Variants in HORMAD2 observed in about 807,000 individuals in gnomAD.
HORMAD2 encodes HORMA domain-containing protein 2.
A neutral mutation model predicts 38.8 loss-of-function variants in HORMAD2; 45 were observed. That is an observed-to-expected ratio of 1.16 (90% CI 0.91 to 1.49). The LOEUF (loss-of-function observed/expected upper bound fraction) is 1.49. HORMAD2 is among the 40% of genes most tolerant of loss of function. HORMAD2 has a pLI of 0.00. For synonymous variants in HORMAD2, 126 were observed against 122.8 expected, an observed-to-expected ratio of 1.03 and a Z score of -0.17; for missense variants, 338 against 367.0, an observed-to-expected ratio of 0.92 and a Z score of 0.65.
At chr22:30,086,827 T>A (rs1356778704) in intron 1 of HORMAD2, among the ~76,000 whole-genome samples, 1 of 152,098 alleles carries the variant, frequency 6.6e-6, no homozygotes, top group Non-Finnish European at 1.5e-5. Context: ...AGGGTTTCAC[T>A]CTTGTTGCCC....
rs777114888 is a variant in HORMAD2 at position 30,176,163 on chromosome 22, A to G, written c.920A>G (p.Lys307Arg). The change falls in exon 11 of 11, where the codon AAA becomes AGA. Residue 307 changes from lysine to arginine, a missense_variant. Coordinates refer to ENST00000336726, the MANE Select transcript of HORMAD2 (RefSeq NM_152510.4). Reference protein sequence around the residue: ...EPVKVFIPNRK With the variant: ...EPVKVFIPNRR ...GTGAAGGTCTTCATCCCTAACAGAA[A>G]ATGAAAGCTAAATATTCCTTCTACA... The G allele has an allele frequency of 3.2e-6, 5 of 1,570,530 alleles. No homozygotes were observed. In the African/African-American group the frequency reaches 5.4e-5, roughly 17 times the overall value.
chr22:30,163,409 A>G (rs1238702198), intron 10 of HORMAD2, among the ~76,000 whole-genome samples: 3 of 152,110 alleles, frequency 2.0e-5, no homozygotes, highest in Non-Finnish European at 4.4e-5. Context: ...TTTATAAATC[A>G]TGTGCTGATT....
chr22:30,146,029 G>A (rs1193234556), intron 10 of HORMAD2, among the ~76,000 whole-genome samples: 1 of 152,172 alleles, frequency 6.6e-6, no homozygotes, highest in Admixed American at 6.5e-5. Context: ...AGGATAATGT[G>A]TCATGACTAA....
the HORMAD2 span, among the ~76,000 whole-genome samples, chr22:30,190,772 T>C: frequency 0.013 from 2,008 of 152,324 alleles, 19 homozygotes; most frequent in Non-Finnish European, 0.022. Context: ...AGCACTGCAA[T>C]TTCCTAGAAA....
intron 1 of HORMAD2, among the ~76,000 whole-genome samples, chr22:30,085,055 A>T (rs1169436732): frequency 1.3e-5 from 2 of 151,692 alleles, no homozygotes; most frequent in African/African-American, 4.8e-5. Context: ...CTGAGGCAGG[A>T]GGGTGGCATG....
At chr22:30,143,678 C>G (rs1196113125) in intron 10 of HORMAD2, among the ~76,000 whole-genome samples, 1 of 152,064 alleles carries the variant, frequency 6.6e-6, no homozygotes, top group South Asian at 2.1e-4. Context: ...AGAAGTGCAG[C>G]CTTAGGTATG....
intron 10 of HORMAD2, among the ~76,000 whole-genome samples, chr22:30,140,316 T>C (rs2146177795): frequency 6.6e-6 from 1 of 152,300 alleles, no homozygotes; most frequent in East Asian, 1.9e-4. Context: ...TTGAAAAGTT[T>C]TTACTTATCT....
chr22:30,111,198 A>G (rs956782224), intron 5 of HORMAD2, among the ~76,000 whole-genome samples: 3 of 151,362 alleles, frequency 2.0e-5, no homozygotes, highest in African/African-American at 7.3e-5. Context: ...AAAAGAAAAT[A>G]CTACAGGCTG....
intron 10 of HORMAD2, among the ~76,000 whole-genome samples, chr22:30,135,080 T>C (rs1923563684): frequency 6.6e-6 from 1 of 151,966 alleles, no homozygotes; most frequent in Non-Finnish European, 1.5e-5. Context: ...TAGGTCTGTC[T>C]GGCTCCAAAA....
intron 10 of HORMAD2, among the ~76,000 whole-genome samples, chr22:30,148,098 A>T (rs1406222218): frequency 1.3e-5 from 2 of 152,226 alleles, no homozygotes; most frequent in African/African-American, 4.8e-5. Flanking sequence ...CCGCGTGTCC[A>T]TCAATAGGTG....
At chr22:30,132,215 T>G (rs1468718378) in intron 10 of HORMAD2, among the ~76,000 whole-genome samples, 1 of 152,210 alleles carries the variant, frequency 6.6e-6, no homozygotes, top group East Asian at 1.9e-4. Flanking sequence ...TCTCAGATTC[T>G]TGGAAGTGGG....
Position 30,119,013 on chromosome 22 carries a change from T to C in HORMAD2, c.376T>C (p.Tyr126His). The change falls in exon 8 of 11, where the codon TAC becomes CAC. Residue 126 changes from tyrosine to histidine, a missense_variant. Physicochemically the swap from Tyr to His is moderately conservative, Grantham distance 83 (BLOSUM62 2). Transcript: ENST00000336726. ...VTEMYQFKFK[Y>H]TKEGATMDFD... ...TGAGATGTACCAGTTCAAATTCAAA[T>C]ACACGAAAGAAGGAGCCACTATGGA... 3.1e-6 allele frequency: 5 copies of C among 1,591,040 alleles called. No individual in the cohort carries two copies. Among genetic ancestry groups the C allele is most frequent in the Non-Finnish European group, 4.3e-6 (5 of 1,167,678 alleles).
upstream of HORMAD2, among the ~76,000 whole-genome samples, chr22:30,078,556 A>G (rs1380665935): frequency 7.1e-6 from 1 of 140,424 alleles, no homozygotes; most frequent in Non-Finnish European, 1.5e-5. Context: ...CAGCGAGCCA[A>G]TATCACGCCA....
Position 30,098,877 on chromosome 22 carries a change from C to G in HORMAD2, c.77C>G (p.Thr26Ser). ...SKETVFPSQI[T>S]NEHESLKMVK... The stretch of plus-strand genomic sequence containing the variant: ...GAAACAGTTTTCCCATCCCAAATCA[C>G]TAATGAGCATGAGTCATTGAAAATG... The change falls in exon 3 of 11, where the codon ACT becomes AGT. Residue 26 changes from threonine (T) to serine (S), a missense_variant. Transcript: ENST00000336726. 1 of 1,612,608 alleles carries G rather than the reference C, an allele frequency of 6.2e-7. No individual in the cohort carries two copies. The highest frequency in any genetic ancestry group is 8.5e-7 in the Non-Finnish European group (1 of 1,179,158).
chr22:30,179,572 A>T (rs1926616306), downstream of HORMAD2, among the ~76,000 whole-genome samples: 1 of 152,220 alleles, frequency 6.6e-6, no homozygotes, highest in African/African-American at 2.4e-5. Flanking sequence ...TGAGGTCCTA[A>T]GGAGCTAATC....
chr22:30,093,890 C>CTAAT (rs373961716), intron 1 of HORMAD2, 26 bp from the exon 2 acceptor site: 1 of 1,173,644 alleles, frequency 8.5e-7, no homozygotes, highest in Non-Finnish European at 1.2e-6. Flanking sequence ...GGCAAGGTCT[C>CTAAT]TAATTAATTA....
chr22:30,174,881 G>A (rs1010828025), intron 10 of HORMAD2, among the ~76,000 whole-genome samples: 2 of 151,848 alleles, frequency 1.3e-5, no homozygotes, highest in African/African-American at 4.8e-5. Flanking sequence ...ATTTTTACAT[G>A]TAAGTAAACG....
At chr22:30,121,275 G>A (rs1306223310) in intron 8 of HORMAD2, among the ~76,000 whole-genome samples, 3 of 152,204 alleles carry the variant, frequency 2.0e-5, no homozygotes, top group African/African-American at 7.2e-5. Context: ...CTGACCTAGA[G>A]TGTGTCTAAA....
chr22:30,092,196 A>C (rs1469927762), intron 1 of HORMAD2, among the ~76,000 whole-genome samples: 1 of 151,928 alleles, frequency 6.6e-6, no homozygotes, highest in African/African-American at 2.4e-5. Flanking sequence ...TTGTCCTTTT[A>C]ATAATAGCCA....
Sources: allele counts gnomAD v4.1 joint callset (sites outside exome capture counted in the v4.1 genomes callset), GRCh38; gene constraint gnomAD v4.1.1; transcripts MANE v1.5; gene names NCBI Gene and HGNC (gene_info 2026-07-23, HGNC 2026-07-21).